The following GCGR variants were observed in gnomAD, a reference collection of about 807,000 sequenced individuals.
GCGR encodes glucagon receptor.
In GCGR, 41 loss-of-function variants were observed where a neutral mutation model predicts 56.1. The observed-to-expected ratio is 0.73, with a 90% CI of 0.57 to 0.95. The LOEUF (loss-of-function observed/expected upper bound fraction) is 0.95, where lower values mean the gene tolerates loss of function less well. Ranked by LOEUF, GCGR falls within the 40% of genes least tolerant of loss-of-function variation. GCGR has a pLI of 0.00. For synonymous variants in GCGR, 278 were observed against 271.1 expected, an observed-to-expected ratio of 1.03 and a Z score of -0.25; for missense variants, 595 against 638.2, an observed-to-expected ratio of 0.93 and a Z score of 0.73.
chr17:81,807,066 G>A (rs548264732), intron 1 of GCGR, among the ~76,000 whole-genome samples: 47 of 152,222 alleles, frequency 3.1e-4, no homozygotes, highest in East Asian at 7.8e-4. Flanking sequence ...GGCCGGAGCC[G>A]CCCAGGACAG....
In GCGR at chr17:81,812,822, G is replaced by C. The variant is rs146494710; in HGVS notation, c.1053G>C (p.Thr351=). ...GCCTCTGCAGGCTGGCCAAGTCCAC[G>C]CTGACCCTCATCCCTCTGCTGGGCG... ...TDYKFRLAKS[T]LTLIPLLGVH... The change falls in exon 12 of 14, where the codon ACG becomes ACC. Residue 351 remains threonine (T), a synonymous_variant. Coordinates refer to ENST00000400723, the MANE Select transcript of GCGR (RefSeq NM_000160.5). The surrounding 1 kb of genome is among the most constrained non-coding windows in gnomAD (Gnocchi z 8.5). 6.5e-7 allele frequency: 1 copy of C among 1,535,696 alleles called. No individual in the cohort carries two copies. The highest frequency in any genetic ancestry group is 2.4e-5 in the East Asian group (1 of 40,910).
rs528965845 is a variant in GCGR, at chr17:81,804,909, G to A, written c.-178+660G>A. On this transcript the variant is annotated intron_variant, in intron 1 of 13. Transcript: ENST00000400723. This position sits in a 1 kb window ranked among gnomAD's most constrained non-coding sequence, Gnocchi z 8.2. ...GAACCGACTGACCCCGGCCCCCTCG[G>A]CGCCCGCATCCTCCAAGGACCGGCC... Among the ~76,000 whole-genome samples, 230 of 152,330 alleles carry A rather than the reference G, an allele frequency of 1.5e-3. 1 individual carries two copies. The highest frequency in any genetic ancestry group is 5.3e-3 in the African/African-American group (220 of 41,576).
chr17:81,811,839 A>C lies in GCGR; in HGVS notation c.817+29A>C. The C allele has an allele frequency of 1.3e-6, 2 of 1,536,984 alleles. No homozygotes were observed. Among genetic ancestry groups the C allele is most frequent in the African/African-American group, 1.4e-5 (1 of 73,146 alleles). On this transcript the variant is annotated intron_variant, in intron 8 of 13. Transcript: ENST00000400723. The surrounding 1 kb of genome is among the most constrained non-coding windows in gnomAD (Gnocchi z 5.8). Reference sequence around the variant, plus strand: ...AGTGGGCTGGCATGAGAGGGGGTTAAGGCAGGCTGACCAAGCCTTTGGGAC... The same window carrying C: ...AGTGGGCTGGCATGAGAGGGGGTTACGGCAGGCTGACCAAGCCTTTGGGAC...
chr17:81,811,939 A>G lies in GCGR; in HGVS notation c.871A>G (p.Asn291Asp). 6.5e-7 allele frequency: 1 copy of G among 1,536,952 alleles called. No individual in the cohort carries two copies. The highest frequency in any genetic ancestry group is 8.7e-7 in the Non-Finnish European group (1 of 1,146,852). ...PWAVVKCLFENVQCWTSNDNM... is the reference protein window; with the variant it reads ...PWAVVKCLFEDVQCWTSNDNM... ...GGCAGTGGTCAAGTGTCTGTTCGAG[A>G]ACGTCCAGTGAGTATGAGCGGCTGG... The change falls in exon 9 of 14, where the codon AAC becomes GAC. Residue 291 changes from asparagine to aspartate, a missense_variant. Coordinates refer to ENST00000400723, the MANE Select transcript of GCGR (RefSeq NM_000160.5). This position sits in a 1 kb window ranked among gnomAD's most constrained non-coding sequence, Gnocchi z 5.8.
chr17:81,812,454 A>T lies in GCGR; in HGVS notation c.949-123A>T. On this transcript the variant is annotated intron_variant, in intron 10 of 13. Transcript: ENST00000400723. This position sits in a 1 kb window ranked among gnomAD's most constrained non-coding sequence, Gnocchi z 8.5. ...CTGTGTGCCCACCAGCCCCAGGGCT[A>T]TGTGGCCCAGGGCCTATCTTGCTGC... The T allele has an allele frequency of 1.9e-6, 2 of 1,078,740 alleles. No individual in the cohort carries two copies. The highest frequency in any genetic ancestry group is 2.7e-6 in the Non-Finnish European group (2 of 753,238). 66.8% of individuals were successfully genotyped at this position (1,078,740 alleles called of 1,614,324 possible). A position where few individuals can be genotyped will look rare whatever the true frequency, so the allele number is the denominator to read the frequency against.
At position 81,812,202 on chromosome 17, in the gene GCGR, A is replaced by C; in HGVS notation, c.898A>C (p.Asn300His). The change falls in exon 10 of 14, where the codon AAC becomes CAC. Residue 300 changes from asparagine (N) to histidine (H), a missense_variant. Transcript: ENST00000400723. This position sits in a 1 kb window ranked among gnomAD's most constrained non-coding sequence, Gnocchi z 8.5. ...ENVQCWTSND[N>H]MGFWWILRFP... ...TCGCAGGTGCTGGACCAGCAATGAC[A>C]ACATGGGCTTCTGGTGGATCCTGCG... 6.5e-7 allele frequency: 1 copy of C among 1,536,238 alleles called. No homozygotes were observed. Among genetic ancestry groups the C allele is most frequent in the Non-Finnish European group, 8.7e-7 (1 of 1,146,790 alleles).
chr17:81,812,807 G>A lies in GCGR; in HGVS notation c.1038G>A (p.Arg346=). 6.5e-7 allele frequency: 1 copy of A among 1,535,670 alleles called. No homozygotes were observed. The highest frequency in any genetic ancestry group is 8.7e-7 in the Non-Finnish European group (1 of 1,146,732). ...GGTGACTCAGGCGCTGCCTCTGCAG[G>A]CTGGCCAAGTCCACGCTGACCCTCA... ...RQMHHTDYKF[R]LAKSTLTLIP... Residue 346 remains arginine, a splice_region_variant and synonymous_variant, in exon 12 of 14, where the codon CGG becomes CGA. Transcript: ENST00000400723. The surrounding 1 kb of genome is among the most constrained non-coding windows in gnomAD (Gnocchi z 8.5).
rs1490189491 is a variant in GCGR at position 81,809,893 on chromosome 17, C to A, written c.163+9C>A. On this transcript the variant is annotated intron_variant, in intron 3 of 13. Coordinates refer to ENST00000400723, the MANE Select transcript of GCGR (RefSeq NM_000160.5). Reference sequence around the variant, plus strand: ...GCTGCCCCCTCCCACGGGTGAGCCCCCCACCCAGAGCCTTTCAGCCTGTGC... The same window carrying A: ...GCTGCCCCCTCCCACGGGTGAGCCCACCACCCAGAGCCTTTCAGCCTGTGC... The A allele has an allele frequency of 6.6e-7, 1 of 1,521,536 alleles. No individual in the cohort carries two copies. The highest frequency in any genetic ancestry group is 1.2e-5 in the South Asian group (1 of 83,808). The allele number at this position is 1,521,536 out of a possible 1,614,324, so 94.3% of individuals were successfully genotyped here.
chr17:81,809,075 C>G lies in GCGR; in HGVS notation c.57C>G (p.Cys19Trp), dbSNP rs1054447666. The change falls in exon 2 of 14, where the codon TGC becomes TGG. Residue 19 changes from cysteine to tryptophan, a missense_variant. By Grantham distance (215) the Cys-to-Trp change is radical. Coordinates refer to ENST00000400723, the MANE Select transcript of GCGR (RefSeq NM_000160.5). The stretch of plus-strand genomic sequence containing the variant: ...TGCTGTTGCTGCTGCTGCTGGCCTG[C>G]CAGGTGAGGACTCACAGCACCCTCA... ...PLLLLLLLLA[C>W]QPQVPSAQVM... The G allele has an allele frequency of 5.4e-5, 83 of 1,535,976 alleles. No homozygotes were observed. Among genetic ancestry groups the G allele is most frequent in the Non-Finnish European group, 7.2e-5 (82 of 1,146,798 alleles).
intron 1 of GCGR, among the ~76,000 whole-genome samples, chr17:81,805,895 T>C (rs1257104914): frequency 1.3e-5 from 2 of 152,038 alleles, no homozygotes; most frequent in Non-Finnish European, 2.9e-5. Context: ...TGGGAGTTTC[T>C]GTCCACTCCT....
In GCGR at chr17:81,813,039, C is replaced by T. The variant is rs1324827681; in HGVS notation, c.1200C>T (p.Tyr400=). ...SFQGLLVAVL[Y]CFLNKEVQSE... ...AGGGCCTGCTGGTGGCTGTCCTCTA[C>T]TGCTTCCTCAACAAGGAGGTAGGTG... is the stretch of plus-strand genomic sequence containing the variant. Residue 400 remains tyrosine (Y), a synonymous_variant, in exon 13 of 14, where the codon TAC becomes TAT. Transcript: ENST00000400723. The surrounding 1 kb of genome is among the most constrained non-coding windows in gnomAD (Gnocchi z 5.3). 1.3e-6 allele frequency: 2 copies of T among 1,536,380 alleles called. No individual in the cohort carries two copies. Among genetic ancestry groups the T allele is most frequent in the African/African-American group, 1.4e-5 (1 of 73,162 alleles).
rs969354907 is a variant in GCGR, at chr17:81,811,404, C to A, written c.501C>A (p.Ser167Arg). 2 of 1,536,194 alleles carry A rather than the reference C, an allele frequency of 1.3e-6. No individual in the cohort carries two copies. Among genetic ancestry groups the A allele is most frequent in the Non-Finnish European group, 1.7e-6 (2 of 1,146,836 alleles). The change falls in exon 7 of 14, where the codon AGC (serine) becomes AGA (arginine). Residue 167 changes from serine (S) to arginine (R), a missense_variant and splice_region_variant. Transcript: ENST00000400723. The surrounding 1 kb of genome is among the most constrained non-coding windows in gnomAD (Gnocchi z 5.8). ...LLALAILGGL[S>R]KLHCTRNAIH... Reference sequence around the variant, plus strand: ...GGGCGCTGACTGGCTGTGCCCACAGCAAGCTGCACTGCACCCGCAATGCCA... The same window carrying A: ...GGGCGCTGACTGGCTGTGCCCACAGAAAGCTGCACTGCACCCGCAATGCCA...
rs369339743 is a variant in GCGR, at chr17:81,806,472, C to G, written c.-178+2223C>G. On this transcript the variant is annotated intron_variant, in intron 1 of 13. Transcript: ENST00000400723. This position sits in a 1 kb window ranked among gnomAD's most constrained non-coding sequence, Gnocchi z 6.5. Reference sequence around the variant, plus strand: ...GGCTGAGGGGACACAGAGCCCCACTCCTGGGTCCTGACTGTTTCAAAGAAA... The same window carrying G: ...GGCTGAGGGGACACAGAGCCCCACTGCTGGGTCCTGACTGTTTCAAAGAAA... Among the ~76,000 whole-genome samples, 255 of 152,290 alleles carry G rather than the reference C, an allele frequency of 1.7e-3. 2 individuals carry two copies. The highest frequency in any genetic ancestry group is 5.6e-3 in the African/African-American group (231 of 41,558).
In GCGR at chr17:81,813,878, C is replaced by T; in HGVS notation, c.*189C>T. On this transcript the variant is annotated 3_prime_UTR_variant, in exon 14 of 14. Transcript: ENST00000400723. This position sits in a 1 kb window ranked among gnomAD's most constrained non-coding sequence, Gnocchi z 5.3. ...CCCTGCACCTGCCTTGTCCCTGGTG[C>T]AGAGGTGAGCAGAGGAGTCCAGGGC... The T allele has an allele frequency of 1.7e-6, 1 of 605,984 alleles. No individual in the cohort carries two copies. The highest frequency in any genetic ancestry group is 2.8e-5 in the East Asian group (1 of 36,074). The allele number at this position is 605,984 out of a possible 1,614,324, so 37.5% of individuals were successfully genotyped here. A position where few individuals can be genotyped will look rare whatever the true frequency, so the allele number is the denominator to read the frequency against.
At position 81,812,676 on chromosome 17, in the gene GCGR, C is replaced by T. The variant is rs13306380; in HGVS notation, c.1037+11C>T. ...AGACTACAAGTTCCGGTGGGTGCCGCGGCAGCTGGCGTCTCGAGACCTGGA... is the reference window on the plus strand; with the variant it reads ...AGACTACAAGTTCCGGTGGGTGCCGTGGCAGCTGGCGTCTCGAGACCTGGA... On this transcript the variant is annotated intron_variant, in intron 11 of 13. Transcript: ENST00000400723. This position sits in a 1 kb window ranked among gnomAD's most constrained non-coding sequence, Gnocchi z 8.5. 7.8e-6 allele frequency: 12 copies of T among 1,532,142 alleles called. No homozygotes were observed. Among genetic ancestry groups the T allele is most frequent in the East Asian group, 7.4e-5 (3 of 40,770 alleles). The allele number at this position is 1,532,142 out of a possible 1,614,324, so 94.9% of individuals were successfully genotyped here. A position where few individuals can be genotyped will look rare whatever the true frequency, so the allele number is the denominator to read the frequency against.
At chr17:81,809,595 C>G (rs886642440) in intron 2 of GCGR, among the ~76,000 whole-genome samples, 187 bp from the exon 3 acceptor site, 1 of 151,390 alleles carries the variant, frequency 6.6e-6, no homozygotes, top group African/African-American at 2.4e-5. Context: ...GTCCATCTGC[C>G]TATCCATCTG....
In GCGR at chr17:81,809,042, A is replaced by T; in HGVS notation, c.24A>T (p.Arg8=). 2 of 1,535,954 alleles carry T rather than the reference A, an allele frequency of 1.3e-6. No homozygotes were observed. The highest frequency in any genetic ancestry group is 1.4e-5 in the African/African-American group (1 of 73,092). ...GCATGCCCCCCTGCCAGCCACAGCG[A>T]CCCCTGCTGCTGTTGCTGCTGCTGC... The part of the protein sequence containing the change: MPPCQPQ[R]PLLLLLLLLA... The change falls in exon 2 of 14, where the codon CGA becomes CGT. Residue 8 remains arginine, a synonymous_variant. Transcript: ENST00000400723.
chr17:81,805,124 C>T (rs1320776855), intron 1 of GCGR: 1 of 152,342 alleles, frequency 6.6e-6, no homozygotes, highest in African/African-American at 2.4e-5. Context: ...TCCCGGCTCC[C>T]ATCCCGGAGC....
At chr17:81,807,314 T>G (rs1477605222) in intron 1 of GCGR, among the ~76,000 whole-genome samples, 1 of 152,218 alleles carries the variant, frequency 6.6e-6, no homozygotes, top group Non-Finnish European at 1.5e-5. Context: ...GGCCCCTACA[T>G]GAGCCCAGGG....
Sources: gnomAD v4.1 joint callset for allele counts (sites outside exome capture counted in the v4.1 genomes callset) on GRCh38, gnomAD v4.1.1 for gene constraint, Gnocchi (gnomAD v3.1) non-coding constraint, MANE v1.5 for transcripts, NCBI Gene and HGNC (gene_info 2026-07-23, HGNC 2026-07-21) for gene names.